DTNB: variants seen among roughly 807,000 people sequenced by gnomAD.
DTNB encodes DTN-B.
In DTNB, 63 loss-of-function variants were observed where a neutral mutation model predicts 90.7. That is an observed-to-expected ratio of 0.69 (90% CI 0.57 to 0.86). The LOEUF (loss-of-function observed/expected upper bound fraction) is 0.86. Ranked by LOEUF, DTNB falls within the 40% of genes least tolerant of loss-of-function variation. The pLI, the probability that DTNB is intolerant of heterozygous loss-of-function variation, is 0.00. For synonymous variants in DTNB, 277 were observed against 286.7 expected (o/e 0.97, Z 0.34); for missense variants, 744 against 807.1 (o/e 0.92, Z 0.95).
intron 9 of DTNB, among the ~76,000 whole-genome samples, chr2:25,484,420 A>G (rs1310189087): frequency 1.3e-5 from 2 of 152,172 alleles, no homozygotes; most frequent in East Asian, 3.8e-4. Context: ...GTGAATATTA[A>G]GGGATCACAG....
chr2:25,558,428 T>C, intron 8 of DTNB: 1 of 985,062 alleles, frequency 1.0e-6, no homozygotes, highest in African/African-American at 1.7e-5. Flanking sequence ...AAAAAAAAGA[T>C]CTAAAGTTGA....
intron 10 of DTNB, among the ~76,000 whole-genome samples, chr2:25,478,851 C>G (rs185221584): frequency 9.9e-4 from 151 of 152,278 alleles, no homozygotes; most frequent in Non-Finnish European, 1.8e-3. Context: ...CCTGGAGGGG[C>G]AAGGCTGTAG....
intron 2 of DTNB, among the ~76,000 whole-genome samples, chr2:25,643,340 T>G (rs1278636937): frequency 6.6e-6 from 1 of 152,234 alleles, no homozygotes; most frequent in Non-Finnish European, 1.5e-5. Context: ...TGGCTCCTAC[T>G]GCACTGTCAT....
At chr2:25,542,383 ATATAT>A (rs1558960362) in intron 8 of DTNB, among the ~76,000 whole-genome samples, 1 of 152,184 alleles carries the variant, frequency 6.6e-6, no homozygotes. Context: ...TGTGGTCATG[ATATAT>A]TATTTTTCCT....
chr2:25,416,443 G>C (rs955331196), intron 16 of DTNB, among the ~76,000 whole-genome samples: 2 of 152,220 alleles, frequency 1.3e-5, no homozygotes, highest in Non-Finnish European at 2.9e-5. Context: ...AGGCCAATGC[G>C]GGCGGATCAA....
chr2:25,542,009 T>A (rs189717833), intron 8 of DTNB, among the ~76,000 whole-genome samples: 1 of 152,260 alleles, frequency 6.6e-6, no homozygotes, highest in African/African-American at 2.4e-5. Context: ...AGAGATGCTA[T>A]CAGATTTTAC....
At chr2:25,613,373 A>AC (rs934324714) in intron 4 of DTNB, among the ~76,000 whole-genome samples, 3 of 152,302 alleles carry the variant, frequency 2.0e-5, no homozygotes, top group Admixed American at 2.0e-4. Context: ...CTCAACAGTT[A>AC]GTTTTTCAAC....
intron 11 of DTNB, among the ~76,000 whole-genome samples, chr2:25,454,076 G>A (rs2059653843): frequency 6.6e-6 from 1 of 152,020 alleles, no homozygotes. Context: ...CATGAAGCCG[G>A]GAGGCAGAGC....
At chr2:25,548,911 C>T (rs1461051580) in intron 8 of DTNB, among the ~76,000 whole-genome samples, 1 of 152,128 alleles carries the variant, frequency 6.6e-6, no homozygotes, top group Non-Finnish European at 1.5e-5. Context: ...AATACATACA[C>T]CCACAAACAT....
intron 3 of DTNB, among the ~76,000 whole-genome samples, chr2:25,633,853 A>C (rs1465795517): frequency 8.9e-6 from 1 of 112,012 alleles, no homozygotes; most frequent in African/African-American, 3.6e-5. Context: ...GAGCGCCTCT[A>C]CCCGGCCGCG....
At chr2:25,541,687 C>A (rs2081292084) in intron 8 of DTNB, among the ~76,000 whole-genome samples, 2 of 152,048 alleles carry the variant, frequency 1.3e-5, no homozygotes, top group South Asian at 4.2e-4. Flanking sequence ...TGCTTCTGTC[C>A]CTTGGTTATC....
intron 3 of DTNB, among the ~76,000 whole-genome samples, chr2:25,636,141 A>G (rs1487689031): frequency 1.3e-5 from 2 of 152,226 alleles, no homozygotes; most frequent in Non-Finnish European, 2.9e-5. Flanking sequence ...AACTGAAAAT[A>G]CATATGGAAA....
intron 8 of DTNB, among the ~76,000 whole-genome samples, chr2:25,565,214 CTATTAAGTATGA>C (rs1217459301): frequency 2.0e-5 from 3 of 152,092 alleles, no homozygotes; most frequent in African/African-American, 7.2e-5. Context: ...CAGTCTTTCA[CTATTAAGTATGA>C]TGTTAACTGT....
intron 15 of DTNB, chr2:25,426,481 T>C (rs953765766): frequency 5.9e-5 from 9 of 152,258 alleles, no homozygotes; most frequent in Admixed American, 2.6e-4. Context: ...CTGTTGTGAA[T>C]AGTCAATGCC....
intron 16 of DTNB, among the ~76,000 whole-genome samples, chr2:25,416,804 C>CGAAG (rs56106629): frequency 0.076 from 9,865 of 129,850 alleles, 695 homozygotes; most frequent in African/African-American, 0.17. Context: ...AAGGAAGGAA[C>CGAAG]GAAGGAAGGA....
intron 3 of DTNB, among the ~76,000 whole-genome samples, chr2:25,632,936 T>G (rs1309861099): frequency 3.3e-5 from 5 of 152,136 alleles, no homozygotes; most frequent in African/African-American, 7.2e-5. Context: ...CTGTAGTACT[T>G]GAGGCCAAAC....
At chr2:25,630,365 C>T (rs186292549) in intron 3 of DTNB, among the ~76,000 whole-genome samples, 9 of 152,250 alleles carry the variant, frequency 5.9e-5, no homozygotes, top group African/African-American at 2.2e-4. Flanking sequence ...CCCATACGAC[C>T]CAGCAATTCC....
chr2:25,433,926 G>C lies in DTNB; in HGVS notation c.1327C>G (p.Leu443Val). The C allele has an allele frequency of 1.2e-6, 2 of 1,613,720 alleles. No homozygotes were observed. The highest frequency in any genetic ancestry group is 1.7e-6 in the Non-Finnish European group (2 of 1,179,760). Residue 443 changes from leucine to valine, a missense_variant, in exon 13 of 21, where the codon CTG becomes GTG. By Grantham distance (32) the Leu-to-Val change is conservative. Transcript: ENST00000406818. ...NKQQRQLIAELENKNREILQE... is the reference protein window; with the variant it reads ...NKQQRQLIAEVENKNREILQE... The stretch of plus-strand genomic sequence containing the variant: ...CGTTCTTACCTGTTTTTGTTTTCCA[G>C]TTCTGCAATAAGCTGTCTTTGTTGT...
intron 10 of DTNB, among the ~76,000 whole-genome samples, chr2:25,479,596 C>A (rs115856803): frequency 0.013 from 2,015 of 152,206 alleles, 40 homozygotes; most frequent in African/African-American, 0.045. Flanking sequence ...TAGAACCTCT[C>A]GGGAACATAA....
Sources: allele counts gnomAD v4.1 joint callset (sites outside exome capture counted in the v4.1 genomes callset), GRCh38; gene constraint gnomAD v4.1.1; transcripts MANE v1.5; gene names NCBI Gene and HGNC (gene_info 2026-07-23, HGNC 2026-07-21).